The following COL12A1 variants were observed in gnomAD, a reference collection of about 807,000 sequenced individuals.
The protein encoded by COL12A1 is collagen type XII alpha 1 chain, also known as collagen alpha-1(XII) chain.
In COL12A1, 114 loss-of-function variants were observed where a neutral mutation model predicts 349.7. The ratio of observed to expected loss-of-function variants is 0.33; its 90% CI spans 0.28 to 0.38. The LOEUF is 0.38. COL12A1 is among the 10% of genes least tolerant of loss of function. COL12A1 has a pLI of 1.00. For synonymous variants in COL12A1, 1,369 were observed against 1,329.0 expected (o/e 1.03, Z -0.66); for missense variants, 3,284 against 3,756.9 (o/e 0.87, Z 3.29).
At chr6:75,091,297 T>C in intron 62 of COL12A1, 26 bp downstream of exon 62, 15 of 1,593,282 alleles carry the variant, frequency 9.4e-6, no homozygotes, top group Non-Finnish European at 1.3e-5. Flanking sequence ...AAACAATTCA[T>C]ACAGTAAAAA....
chr6:75,101,851 A>T, intron 57 of COL12A1, 148 bp downstream of exon 57: 1 of 1,014,348 alleles, frequency 9.9e-7, no homozygotes, highest in East Asian at 2.4e-5. Flanking sequence ...CACCAACTTG[A>T]AGGTTAAGAC....
rs139682734 is a variant in COL12A1 at position 75,170,477 on chromosome 6, T to C, written c.2710+4561A>G. 1.5e-3 allele frequency among the ~76,000 whole-genome samples: 227 copies of C among 152,346 alleles called. 1 individual carries two copies. The highest frequency in any genetic ancestry group is 5.0e-3 in the African/African-American group (206 of 41,584). On this transcript the variant is annotated intron_variant, in intron 13 of 65. Coordinates refer to ENST00000322507, the MANE Select transcript of COL12A1 (RefSeq NM_004370.6). ...CCATTCCAAAGGACAAAGTTCACTATTGATAAGTTAACTCAGTTACTTTAA... is the reference window on the plus strand; with the variant it reads ...CCATTCCAAAGGACAAAGTTCACTACTGATAAGTTAACTCAGTTACTTTAA...
At chr6:75,180,863 G>T in intron 11 of COL12A1, 76 bp downstream of exon 11, 1 of 1,513,096 alleles carries the variant, frequency 6.6e-7, no homozygotes, top group Non-Finnish European at 8.9e-7. Context: ...AAAGCAGATG[G>T]TTATTACAAA....
At chr6:75,176,659 AT>A (rs1376191492) in intron 12 of COL12A1, among the ~76,000 whole-genome samples, 1 of 152,208 alleles carries the variant, frequency 6.6e-6, no homozygotes, top group Non-Finnish European at 1.5e-5. Flanking sequence ...TTGATTTATT[AT>A]TTAATTTCCT....
Position 75,121,409 on chromosome 6 carries a change from A to G in COL12A1, c.6979T>C (p.Leu2327=). The part of the protein sequence containing the change: ...CKGAKADIVF[L]TDASWSIGDD... Reference sequence around the variant, plus strand: ...CCAATGCTCCAGGAGGCATCAGTCAAGAACACAATATCTGCCTTGGCCCCT... The same window carrying G: ...CCAATGCTCCAGGAGGCATCAGTCAGGAACACAATATCTGCCTTGGCCCCT... The change falls in exon 44 of 66, where the codon TTG becomes CTG. Residue 2327 remains leucine, a synonymous_variant. Transcript: ENST00000322507. 2.5e-6 allele frequency: 4 copies of G among 1,607,530 alleles called. No individual in the cohort carries two copies. Among genetic ancestry groups the G allele is most frequent in the Non-Finnish European group, 2.6e-6 (3 of 1,175,272 alleles).
At chr6:75,101,756 G>T in intron 57 of COL12A1, 103 bp from the exon 58 acceptor site, 1 of 1,308,454 alleles carries the variant, frequency 7.6e-7, no homozygotes, top group Non-Finnish European at 1.1e-6. Flanking sequence ...CAGAGACTCT[G>T]AATAGAAACA....
intron 14 of COL12A1, among the ~76,000 whole-genome samples, chr6:75,159,066 C>T (rs965623394): frequency 1.3e-5 from 2 of 151,762 alleles, no homozygotes; most frequent in Admixed American, 1.3e-4. Flanking sequence ...TATACCAAGA[C>T]ACATCATAAT....
At chr6:75,194,407 AGAATG>A (rs1770111573) in intron 3 of COL12A1, among the ~76,000 whole-genome samples, 1 of 152,184 alleles carries the variant, frequency 6.6e-6, no homozygotes, top group African/African-American at 2.4e-5. Flanking sequence ...CCATTATCAC[AGAATG>A]GTGTTTCCTG....
chr6:75,184,283 A>T, intron 8 of COL12A1, 139 bp from the exon 9 acceptor site: 1 of 919,824 alleles, frequency 1.1e-6, no homozygotes, highest in Non-Finnish European at 1.6e-6. Context: ...TACCCGCCTC[A>T]GTCCCCAATT....
At chr6:75,094,508 C>T (rs1582037076) in intron 60 of COL12A1, among the ~76,000 whole-genome samples, 1 of 152,044 alleles carries the variant, frequency 6.6e-6, no homozygotes. Context: ...TTTGGAAATA[C>T]TAAATATGTG....
At chr6:75,168,911 G>A (rs1274495227) in intron 13 of COL12A1, among the ~76,000 whole-genome samples, 1 of 152,162 alleles carries the variant, frequency 6.6e-6, no homozygotes, top group Admixed American at 6.5e-5. Context: ...TGGGTGGCTT[G>A]TATTTTGTGT....
chr6:75,125,359 G>T, intron 39 of COL12A1, 86 bp from the exon 40 acceptor site: 1 of 1,301,418 alleles, frequency 7.7e-7, no homozygotes, highest in Non-Finnish European at 1.0e-6. Flanking sequence ...ATAGTCAAAG[G>T]GTATTATGAA....
intron 1 of COL12A1, among the ~76,000 whole-genome samples, chr6:75,203,132 A>G (rs1222410030): frequency 6.6e-6 from 1 of 152,198 alleles, no homozygotes; most frequent in Non-Finnish European, 1.5e-5. Flanking sequence ...CTGCCTGGGT[A>G]ATGGCTAATT....
chr6:75,133,477 A>C, intron 33 of COL12A1, 55 bp from the exon 34 acceptor site: 1 of 1,531,552 alleles, frequency 6.5e-7, no homozygotes, highest in Non-Finnish European at 8.9e-7. Context: ...TGAAAGAAAT[A>C]ATAATTCAAA....
At chr6:75,159,294 T>C (rs868464184) in intron 14 of COL12A1, among the ~76,000 whole-genome samples, 4 of 150,764 alleles carry the variant, frequency 2.7e-5, no homozygotes, top group Admixed American at 2.6e-4. Context: ...TTAAAGAAAC[T>C]AAGAGAACTC....
At chr6:75,104,530 A>T (rs1016018985) in intron 54 of COL12A1, among the ~76,000 whole-genome samples, 1 of 152,220 alleles carries the variant, frequency 6.6e-6, no homozygotes, top group African/African-American at 2.4e-5. Flanking sequence ...TTTTCTTAAA[A>T]GAAGCCAAGG....
At position 75,090,296 on chromosome 6, in the gene COL12A1, G is replaced by A. The variant is rs747981624; in HGVS notation, c.8755C>T (p.Gln2919Ter). The change falls in exon 63 of 66, where the codon CAG becomes TAG. Residue 2919 changes from glutamine (Q) to a stop codon, truncating the protein, a stop_gained and splice_region_variant. Coordinates refer to ENST00000322507, the MANE Select transcript of COL12A1 (RefSeq NM_004370.6). LOFTEE classifies it high-confidence loss of function. This position sits in a 1 kb window ranked among gnomAD's most constrained non-coding sequence, Gnocchi z 4.1. ...AGCATCTGATTGAATCTGTTCATCT[G>A]ACCTACAAGCAGAAATAAGGCTTGT... ...RQVCEQLISG[Q>*]MNRFNQMLNQ... The A allele has an allele frequency of 6.2e-7, 1 of 1,601,486 alleles. No individual in the cohort carries two copies. The highest frequency in any genetic ancestry group is 2.2e-5 in the East Asian group (1 of 44,452).
intron 23 of COL12A1, 99 bp from the exon 24 acceptor site, chr6:75,146,343 G>C: frequency 8.0e-7 from 1 of 1,250,404 alleles, no homozygotes; most frequent in Non-Finnish European, 1.0e-6. Flanking sequence ...GTATATACTA[G>C]ACAGTGGGTT....
rs756040230 is a variant in COL12A1 at position 75,146,116 on chromosome 6, T to C, written c.4546A>G (p.Thr1516Ala). Residue 1516 changes from threonine (T) to alanine (A), a missense_variant, in exon 24 of 66, where the codon ACA becomes GCA. Coordinates refer to ENST00000322507, the MANE Select transcript of COL12A1 (RefSeq NM_004370.6). ...SYKPVKDTEP[T>A]RPKEVRLGPT... ...ACATCTTTCACCTCTTTGGGTCTTG[T>C]TGGCTCTGTGTCCTTAACAGGTTTG... The C allele has an allele frequency of 5.0e-6, 8 of 1,602,802 alleles. No individual in the cohort carries two copies. The highest frequency in any genetic ancestry group is 2.3e-5 in the South Asian group (2 of 88,668).
Sources: allele counts gnomAD v4.1 joint callset (sites outside exome capture counted in the v4.1 genomes callset), GRCh38; gene constraint gnomAD v4.1.1; non-coding constraint Gnocchi (gnomAD v3.1); transcripts MANE v1.5; gene names NCBI Gene and HGNC (gene_info 2026-07-23, HGNC 2026-07-21).